The following DGKB variants were observed in gnomAD, a reference collection of about 807,000 sequenced individuals.
The protein encoded by DGKB is 90 kDa diacylglycerol kinase.
Under a neutral mutation model 114.3 loss-of-function variants are expected in DGKB, and 67 were observed. The ratio of observed to expected loss-of-function variants is 0.59; its 90% CI spans 0.48 to 0.72. The LOEUF (loss-of-function observed/expected upper bound fraction) is 0.72, where lower values mean the gene tolerates loss of function less well. DGKB is among the 30% of genes least tolerant of loss of function. The probability of loss-of-function intolerance (pLI) is 0.00; values close to 1 mark genes in which losing one functional copy is unlikely to be tolerated. For synonymous variants in DGKB, 398 were observed against 323.1 expected, an observed-to-expected ratio of 1.23 and a Z score of -2.49; for missense variants, 907 against 975.2, an observed-to-expected ratio of 0.93 and a Z score of 0.93.
intron 23 of DGKB, among the ~76,000 whole-genome samples, chr7:14,244,205 G>T (rs1794090270): frequency 1.3e-5 from 2 of 152,162 alleles, no homozygotes; most frequent in South Asian, 4.1e-4. Flanking sequence ...ACAAGTCAGA[G>T]GAAAGGGCAG....
intron 1 of DGKB, among the ~76,000 whole-genome samples, chr7:14,912,337 A>G (rs773894428): frequency 7.9e-5 from 12 of 152,152 alleles, no homozygotes; most frequent in Non-Finnish European, 1.2e-4. Context: ...GTTGAATATT[A>G]TAATTTTGCA....
intron 21 of DGKB, among the ~76,000 whole-genome samples, chr7:14,355,639 G>C (rs576682257): frequency 2.0e-5 from 3 of 152,194 alleles, no homozygotes; most frequent in African/African-American, 7.2e-5. Flanking sequence ...ACTTGATCAT[G>C]GTGGATAAGC....
At chr7:14,513,549 C>A (rs890455989) in intron 20 of DGKB, among the ~76,000 whole-genome samples, 1 of 151,988 alleles carries the variant, frequency 6.6e-6, no homozygotes, top group Admixed American at 6.6e-5. Context: ...CCTATATTTT[C>A]ATACTATGTC....
At chr7:14,607,787 A>G (rs1218235853) in intron 16 of DGKB, among the ~76,000 whole-genome samples, 1 of 152,002 alleles carries the variant, frequency 6.6e-6, no homozygotes, top group Non-Finnish European at 1.5e-5. Flanking sequence ...CATTTAGGAT[A>G]TTCTCTAACC....
chr7:14,943,493 T>C (rs1048988792), intron 1 of DGKB, among the ~76,000 whole-genome samples: 4 of 151,972 alleles, frequency 2.6e-5, no homozygotes, highest in Admixed American at 6.6e-5. Flanking sequence ...TGAGAAGAAA[T>C]TGTCCTCATT....
At chr7:14,545,918 G>A (rs1794212577) in intron 20 of DGKB, among the ~76,000 whole-genome samples, 1 of 152,178 alleles carries the variant, frequency 6.6e-6, no homozygotes. Context: ...ACTTTGACCA[G>A]TCTGCACAGA....
chr7:14,274,973 G>T (rs1289514460), intron 23 of DGKB, among the ~76,000 whole-genome samples: 6 of 136,906 alleles, frequency 4.4e-5, no homozygotes, highest in Non-Finnish European at 6.5e-5. Context: ...GTGTGTGTGT[G>T]TTTGTGTGTG....
chr7:14,780,872 A>C (rs1160269197), intron 2 of DGKB, among the ~76,000 whole-genome samples: 1 of 152,136 alleles, frequency 6.6e-6, no homozygotes, highest in African/African-American at 2.4e-5. Context: ...CTCAGCATAC[A>C]CTTACTTGCC....
At chr7:14,460,691 A>G (rs1290817096) in intron 21 of DGKB, among the ~76,000 whole-genome samples, 2 of 152,158 alleles carry the variant, frequency 1.3e-5, no homozygotes, top group Admixed American at 6.5e-5. Context: ...TATCAGACAG[A>G]TCAACAAGAC....
chr7:14,683,913 T>C (rs1046665704), intron 10 of DGKB, among the ~76,000 whole-genome samples: 18 of 152,170 alleles, frequency 1.2e-4, no homozygotes, highest in African/African-American at 3.6e-4. Context: ...AAAATTCTCA[T>C]TCCTCATATA....
intron 1 of DGKB, among the ~76,000 whole-genome samples, chr7:14,939,621 C>CTTTTT (rs60427374): frequency 5.9e-5 from 5 of 84,146 alleles, no homozygotes; most frequent in African/African-American, 9.7e-5. Context: ...AAATATAATA[C>CTTTTT]TTTTTTTTTT....
intron 20 of DGKB, among the ~76,000 whole-genome samples, chr7:14,524,830 A>G (rs1343499942): frequency 1.3e-5 from 2 of 152,064 alleles, no homozygotes; most frequent in Non-Finnish European, 2.9e-5. Context: ...ATACTAAAAA[A>G]TTACTGTTAA....
chr7:14,623,587 C>G (rs1808036042), intron 14 of DGKB, among the ~76,000 whole-genome samples: 1 of 152,006 alleles, frequency 6.6e-6, no homozygotes, highest in African/African-American at 2.4e-5. Context: ...TAAAATAATG[C>G]TAATCAATAT....
intron 23 of DGKB, among the ~76,000 whole-genome samples, chr7:14,338,038 A>C (rs1158457673): frequency 1.3e-5 from 2 of 152,128 alleles, no homozygotes; most frequent in East Asian, 3.9e-4. Flanking sequence ...TTATCATGGG[A>C]TATTTAAACA....
rs71548072 is a variant in DGKB, at chr7:14,228,884, CTGTG to C, written c.2123-50737_2123-50734del. 1.4e-3 allele frequency among the ~76,000 whole-genome samples: 211 copies of C among 148,742 alleles called. 2 individuals are homozygous for C. Among genetic ancestry groups the C allele is most frequent in the African/African-American group, 4.8e-3 (194 of 40,236 alleles). On this transcript the variant is annotated intron_variant, in intron 23 of 25. Coordinates refer to ENST00000402815, the MANE Select transcript of DGKB (RefSeq NM_001350709.2). ...CAACTACCTAGCATCAGTTTTTTTT[CTGTG>C]TGTGTGTGTGTGTGTGTGTTCAAAA...
intron 21 of DGKB, among the ~76,000 whole-genome samples, chr7:14,391,073 A>T (rs1387772506): frequency 6.6e-6 from 1 of 152,180 alleles, no homozygotes; most frequent in Non-Finnish European, 1.5e-5. Flanking sequence ...TCAACCTAAA[A>T]GTTTGTATTC....
intron 23 of DGKB, among the ~76,000 whole-genome samples, chr7:14,314,314 T>G (rs1209891310): frequency 1.3e-5 from 2 of 152,038 alleles, no homozygotes; most frequent in Non-Finnish European, 2.9e-5. Context: ...GAAGAAGGCT[T>G]CAGATGATCA....
At chr7:14,510,744 A>G (rs769499194) in intron 20 of DGKB, among the ~76,000 whole-genome samples, 3 of 152,180 alleles carry the variant, frequency 2.0e-5, no homozygotes, top group Admixed American at 1.3e-4. Context: ...ATAGCCTTAC[A>G]AAATGTATTT....
intron 21 of DGKB, among the ~76,000 whole-genome samples, chr7:14,422,527 GAC>G (rs1486764183): frequency 6.6e-6 from 1 of 151,978 alleles, no homozygotes; most frequent in Non-Finnish European, 1.5e-5. Flanking sequence ...CGCAGCAGAG[GAC>G]ACAAAATCAT....
Sources: allele counts gnomAD v4.1 joint callset (sites outside exome capture counted in the v4.1 genomes callset), GRCh38; gene constraint gnomAD v4.1.1; transcripts MANE v1.5; gene names NCBI Gene and HGNC (gene_info 2026-07-23, HGNC 2026-07-21).